The following MCF2L2 variants were observed in gnomAD, a reference collection of about 807,000 sequenced individuals.
The protein encoded by MCF2L2 is MCF.2 cell line derived transforming sequence-like 2.
In MCF2L2, 102 loss-of-function variants were observed where a neutral mutation model predicts 150.2. The observed-to-expected ratio is 0.68, with a 90% CI of 0.58 to 0.80. MCF2L2 has a LOEUF of 0.80. Ranked by LOEUF, MCF2L2 falls within the 30% of genes least tolerant of loss-of-function variation. The probability of loss-of-function intolerance (pLI) is 0.00; values close to 1 mark genes in which losing one functional copy is unlikely to be tolerated. For synonymous variants in MCF2L2, 465 were observed against 491.3 expected, an observed-to-expected ratio of 0.95 and a Z score of 0.71; for missense variants, 1,256 against 1,372.8, an observed-to-expected ratio of 0.91 and a Z score of 1.34.
rs755536978 is a variant in MCF2L2, at chr3:183,206,193, G to C, written c.2734C>G (p.Gln912Glu). The C allele has an allele frequency of 1.2e-6, 2 of 1,613,904 alleles. No homozygotes were observed. The highest frequency in any genetic ancestry group is 4.5e-5 in the East Asian group (2 of 44,888). The change falls in exon 24 of 30, where the codon CAG becomes GAG. Residue 912 changes from glutamine to glutamate, a missense_variant. Gln to Glu is a conservative substitution (Grantham distance 29). Coordinates refer to ENST00000328913, the MANE Select transcript of MCF2L2 (RefSeq NM_015078.4). ...TMKLMTLSIR[Q>E]LGRGSHRKFE... is the part of the protein sequence containing the mutation. ...TTTCTATGGCTCCCCCTTCCAAGCT[G>C]GCGAATTGAAAGTGTCATCAGCTAT...
At chr3:183,265,615 C>T (rs1294849714) in intron 15 of MCF2L2, 1 of 152,240 alleles carries the variant, frequency 6.6e-6, no homozygotes, top group African/African-American at 2.4e-5. Flanking sequence ...CGGGGGAGGG[C>T]AGTGCTTTTG....
intron 7 of MCF2L2, among the ~76,000 whole-genome samples, chr3:183,312,998 C>G (rs1729448606): frequency 6.6e-6 from 1 of 152,224 alleles, no homozygotes; most frequent in Non-Finnish European, 1.5e-5. Flanking sequence ...TCTTCTTTTC[C>G]ATTCTCATGT....
chr3:183,366,191 T>C (rs1236941902), intron 3 of MCF2L2, among the ~76,000 whole-genome samples: 1 of 152,146 alleles, frequency 6.6e-6, no homozygotes, highest in Non-Finnish European at 1.5e-5. Flanking sequence ...ATGAGACAGA[T>C]CTTTGTGAGA....
Position 183,270,653 on chromosome 3 carries a change from C to A in MCF2L2, c.1862+6219G>T. ...CAAGTCTTTACATAGACGATGTGTT[C>A]ATGGGCCTCTGTGCCAATAAAATAG... On this transcript the variant is annotated intron_variant, in intron 15 of 29. Transcript: ENST00000328913. The surrounding 1 kb of genome is among the most constrained non-coding windows in gnomAD (Gnocchi z 4.5). 6.2e-7 allele frequency: 1 copy of A among 1,614,136 alleles called. No homozygotes were observed. The highest frequency in any genetic ancestry group is 2.2e-5 in the East Asian group (1 of 44,890).
intron 3 of MCF2L2, among the ~76,000 whole-genome samples, chr3:183,361,115 A>AAAATAAAAG (rs1712170821): frequency 1.2e-5 from 1 of 85,616 alleles, no homozygotes; most frequent in African/African-American, 1.2e-4. Flanking sequence ...GAAAAGAAAA[A>AAAATAAAAG]AGAAAAAGAA....
Position 183,196,623 on chromosome 3 carries a change from C to T in MCF2L2, c.2885-1368G>A, listed in dbSNP as rs1029539409. On this transcript the variant is annotated intron_variant, in intron 25 of 29. Coordinates refer to ENST00000328913, the MANE Select transcript of MCF2L2 (RefSeq NM_015078.4). ...GTGGGCCCTCTCTAAATTCTTAAAG[C>T]CCTTGCCATTTGCATCACTCACAGA... Among the ~76,000 whole-genome samples, 15 of 152,226 alleles carry T rather than the reference C, an allele frequency of 9.9e-5. No individual in the cohort carries two copies. The East Asian group carries it at 2.9e-3, about 29-fold the overall frequency.
At chr3:183,281,513 T>C (rs1727479555) in intron 14 of MCF2L2, among the ~76,000 whole-genome samples, 1 of 152,174 alleles carries the variant, frequency 6.6e-6, no homozygotes, top group South Asian at 2.1e-4. Flanking sequence ...CTACTTTCCA[T>C]TTTCATTGGC....
intron 3 of MCF2L2, among the ~76,000 whole-genome samples, chr3:183,359,003 GT>G (rs111465269): frequency 0.048 from 6,880 of 143,358 alleles, 305 homozygotes; most frequent in East Asian, 0.17. Context: ...AGTTCATTGG[GT>G]TTTTTTTTTT....
At chr3:183,310,543 A>G (rs56662557) in intron 9 of MCF2L2, 54,458 of 278,424 alleles carry the variant, frequency 0.2, 6,224 homozygotes, top group East Asian at 0.36. Flanking sequence ...CATGCCTGTA[A>G]TTCCAGCTAC....
chr3:183,413,677 G>C (rs1174678787), intron 1 of MCF2L2, among the ~76,000 whole-genome samples: 1 of 152,224 alleles, frequency 6.6e-6, no homozygotes, highest in Non-Finnish European at 1.5e-5. Flanking sequence ...CCCTGCAGTA[G>C]TCTGTAAGCA....
intron 15 of MCF2L2, among the ~76,000 whole-genome samples, chr3:183,254,454 CG>C (rs1461533359): frequency 6.6e-6 from 1 of 151,962 alleles, no homozygotes; most frequent in Non-Finnish European, 1.5e-5. Flanking sequence ...CCTGCCCGCG[CG>C]GGTGGCCAGC....
At chr3:183,259,195 A>G (rs1262419799) in intron 15 of MCF2L2, among the ~76,000 whole-genome samples, 2 of 152,210 alleles carry the variant, frequency 1.3e-5, no homozygotes, top group African/African-American at 4.8e-5. Flanking sequence ...TTTCTGGGGC[A>G]AAGCCAGCCT....
rs189965151 is a variant in MCF2L2, at chr3:183,303,545, G to C, written c.1114-3349C>G. ...CTCTCTTAACTTGCACTGGTTTATG[G>C]TTTCAACAATTTCCAAACCCCTTTC... On this transcript the variant is annotated intron_variant, in intron 10 of 29. Transcript: ENST00000328913. Among the ~76,000 whole-genome samples the C allele has an allele frequency of 7.9e-5, 12 of 152,280 alleles. No individual in the cohort carries two copies. In the East Asian group the frequency reaches 1.9e-3, roughly 25 times the overall value.
intron 13 of MCF2L2, among the ~76,000 whole-genome samples, chr3:183,292,268 T>G (rs1728198084): frequency 6.6e-6 from 1 of 152,048 alleles, no homozygotes. Context: ...AATTTATTGC[T>G]AACAGGCCAG....
intron 3 of MCF2L2, among the ~76,000 whole-genome samples, chr3:183,341,889 C>T (rs1465127643): frequency 6.6e-6 from 1 of 152,182 alleles, no homozygotes; most frequent in Non-Finnish European, 1.5e-5. Flanking sequence ...GTGTTCAAGC[C>T]CAAAGGAAAT....
chr3:183,273,053 T>C (rs1441943306), intron 15 of MCF2L2: 1 of 1,487,992 alleles, frequency 6.7e-7, no homozygotes. Context: ...CTTAAAGTAC[T>C]GAGAAGAGTA....
At chr3:183,189,764 TG>T (rs1279096489) in intron 27 of MCF2L2, among the ~76,000 whole-genome samples, 1 of 152,226 alleles carries the variant, frequency 6.6e-6, no homozygotes, top group African/African-American at 2.4e-5. Context: ...AGTTGGTCCT[TG>T]GCTGTACTTT....
At chr3:183,395,933 A>G (rs1278719762) in intron 1 of MCF2L2, among the ~76,000 whole-genome samples, 5 of 148,826 alleles carry the variant, frequency 3.4e-5, no homozygotes, top group East Asian at 1.9e-4. Context: ...AAAAAAAAAA[A>G]AAAAAGAAAG....
At chr3:183,370,579 G>A (rs1314965872) in intron 3 of MCF2L2, among the ~76,000 whole-genome samples, 1 of 152,240 alleles carries the variant, frequency 6.6e-6, no homozygotes, top group Non-Finnish European at 1.5e-5. Context: ...CAGAATAGAT[G>A]ACGCAAAGGC....
Sources: gnomAD v4.1 joint callset for allele counts (sites outside exome capture counted in the v4.1 genomes callset) on GRCh38, gnomAD v4.1.1 for gene constraint, Gnocchi (gnomAD v3.1) non-coding constraint, MANE v1.5 for transcripts, NCBI Gene and HGNC (gene_info 2026-07-23, HGNC 2026-07-21) for gene names.